Variants in RMDN3 observed in about 807,000 individuals in gnomAD.
RMDN3 encodes regulator of microtubule dynamics protein 3.
In RMDN3, 41 loss-of-function variants were observed where a neutral mutation model predicts 61.8. The ratio of observed to expected loss-of-function variants is 0.66; its 90% confidence interval spans 0.52 to 0.86. The LOEUF is 0.86. Ranked by LOEUF, RMDN3 falls within the 40% of genes least tolerant of loss-of-function variation. The probability of loss-of-function intolerance (pLI) is 0.00; values close to 1 mark genes in which losing one functional copy is unlikely to be tolerated. For missense variants in RMDN3, 557 were observed against 585.3 expected, an observed-to-expected ratio of 0.95 and a Z score of 0.50; for synonymous variants, 247 against 232.0, an observed-to-expected ratio of 1.06 and a Z score of -0.59.
intron 12 of RMDN3, 39 bp from the exon 13 acceptor site, chr15:40,736,633 A>C (rs774937138): frequency 1.3e-6 from 2 of 1,594,702 alleles, no homozygotes; most frequent in Non-Finnish European, 8.6e-7. Flanking sequence ...TCAAAATTTA[A>C]ACCAGCATTT....
chr15:40,737,240 A>T lies in RMDN3; in HGVS notation c.1279-36T>A, dbSNP rs373515130. 2.4e-5 allele frequency: 39 copies of T among 1,611,544 alleles called. No homozygotes were observed. The African/African-American group carries it at 4.9e-4, about 20-fold the overall frequency. On this transcript the variant is annotated intron_variant, in intron 11 of 12. Coordinates refer to ENST00000338376, the MANE Select transcript of RMDN3 (RefSeq NM_018145.3). ...ACAACAGTGAAACCTGATACTGTGTACTTTCAGGAGTTCCCAGATCTATGT... is the reference window on the plus strand; with the variant it reads ...ACAACAGTGAAACCTGATACTGTGTTCTTTCAGGAGTTCCCAGATCTATGT...
chr15:40,736,261 C>T lies in RMDN3; in HGVS notation c.*280G>A, dbSNP rs756565040. 9 of 447,924 alleles carry T rather than the reference C, an allele frequency of 2.0e-5. No homozygotes were observed. The highest frequency in any genetic ancestry group is 3.5e-5 in the Non-Finnish European group (9 of 253,778). The allele number at this position is 447,924 out of a possible 1,614,324, so 27.7% of individuals were successfully genotyped here. A position where few individuals can be genotyped will look rare whatever the true frequency, so the allele number is the denominator to read the frequency against. The stretch of plus-strand genomic sequence containing the variant: ...TGGAAGGTCTCAGGTCTTGCAGGCT[C>T]TACCCATGTGTAATCCTGGGGCAGG... On this transcript the variant is annotated 3_prime_UTR_variant, in exon 13 of 13. Transcript: ENST00000338376.
intron 9 of RMDN3, 68 bp from the exon 10 acceptor site, chr15:40,737,794 A>C: frequency 1.3e-6 from 2 of 1,541,998 alleles, no homozygotes; most frequent in Non-Finnish European, 1.8e-6. Context: ...ATCTTTGGGG[A>C]TATATTGAAA....
At chr15:40,747,190 G>A (rs1266913170) in intron 4 of RMDN3, among the ~76,000 whole-genome samples, 1 of 152,212 alleles carries the variant, frequency 6.6e-6, no homozygotes, top group Non-Finnish European at 1.5e-5. Flanking sequence ...AGTCCAAAGA[G>A]GAGTCTCTCT....
Position 40,738,592 on chromosome 15 carries a change from C to G in RMDN3, c.972-16G>C. 2 of 1,614,024 alleles carry G rather than the reference C, an allele frequency of 1.2e-6. No individual in the cohort carries two copies. Among genetic ancestry groups the G allele is most frequent in the South Asian group, 1.1e-5 (1 of 91,070 alleles). ...CACCGCATACCTAGGGGGGAAGCAG[C>G]AAGCTCAGGGACAAGGGCTGAGTAC... is the stretch of plus-strand genomic sequence containing the variant. On this transcript the variant is annotated splice_polypyrimidine_tract_variant and intron_variant, in intron 7 of 12. Transcript: ENST00000338376.
intron 7 of RMDN3, chr15:40,739,296 G>A (rs1897188962): frequency 1.3e-5 from 2 of 151,762 alleles, no homozygotes; most frequent in Non-Finnish European, 1.5e-5. Context: ...TATATGCTAA[G>A]TATCCGGGGG....
In RMDN3 at chr15:40,741,095, C is replaced by A. The variant is rs958790045; in HGVS notation, c.911-902G>T. ...TCCACCTCAAAAAAAACAACAACAACGGATCCAACACAATCAGAAATTGTC... is the reference window on the plus strand; with the variant it reads ...TCCACCTCAAAAAAAACAACAACAAAGGATCCAACACAATCAGAAATTGTC... On this transcript the variant is annotated intron_variant, in intron 6 of 12. Coordinates refer to ENST00000338376, the MANE Select transcript of RMDN3 (RefSeq NM_018145.3). Among the ~76,000 whole-genome samples, 7 of 151,984 alleles carry A rather than the reference C, an allele frequency of 4.6e-5. No individual in the cohort carries two copies. In the East Asian group the frequency reaches 1.3e-3, roughly 29 times the overall value.
rs1377935313 is a variant in RMDN3, at chr15:40,740,155, C to T, written c.949G>A (p.Glu317Lys). Residue 317 changes from glutamate to lysine, a missense_variant, in exon 7 of 13, where the codon GAG (glutamate) becomes AAG (lysine). By Grantham distance (56) the Glu-to-Lys change is moderately conservative. Transcript: ENST00000338376. Reference sequence around the variant, plus strand: ...TACCACAGGTGACAGTCAGCACTCTCATCCCCCTTCTCCAGAGCAGCCTCT... The same window carrying T: ...TACCACAGGTGACAGTCAGCACTCTTATCCCCCTTCTCCAGAGCAGCCTCT... ...EAEAALEKGDESADCHLWYAV... is the reference protein window; with the variant it reads ...EAEAALEKGDKSADCHLWYAV... The T allele has an allele frequency of 1.9e-6, 3 of 1,612,510 alleles. No individual in the cohort carries two copies. Among genetic ancestry groups the T allele is most frequent in the Non-Finnish European group, 2.5e-6 (3 of 1,178,900 alleles).
chr15:40,744,880 G>A, intron 5 of RMDN3, 97 bp downstream of exon 5: 1 of 1,291,984 alleles, frequency 7.7e-7, no homozygotes, highest in Non-Finnish European at 1.0e-6. Context: ...CACCTTGTAG[G>A]GGCAGTAACC....
Position 40,736,498 on chromosome 15 carries a change from C to T in RMDN3, c.*43G>A, listed in dbSNP as rs1373677544. On this transcript the variant is annotated 3_prime_UTR_variant, in exon 13 of 13. Coordinates refer to ENST00000338376, the MANE Select transcript of RMDN3 (RefSeq NM_018145.3). ...GGAAAAAAGCCTCCCCGCCCCCCCA[C>T]CTTAAATAGTGGCATCAAGTCATGA... 1.3e-6 allele frequency: 2 copies of T among 1,595,330 alleles called. No individual in the cohort carries two copies. The highest frequency in any genetic ancestry group is 1.7e-6 in the Non-Finnish European group (2 of 1,163,374).
Position 40,738,057 on chromosome 15 carries a change from T to TAAATATAAAC in RMDN3, c.1048-25_1048-16dup. The TAAATATAAAC allele has an allele frequency of 1.9e-6, 3 of 1,613,424 alleles. No individual in the cohort carries two copies. The highest frequency in any genetic ancestry group is 2.5e-6 in the Non-Finnish European group (3 of 1,179,416). On this transcript the variant is annotated splice_polypyrimidine_tract_variant and intron_variant, in intron 8 of 12. Transcript: ENST00000338376. ...TCCACATGCTCCTAAGGGGAAAATG[T>TAAATATAAAC]AAATATAAACTAACATCAGACACCA...
intron 7 of RMDN3, 91 bp from the exon 8 acceptor site, chr15:40,738,667 C>CG: frequency 8.1e-7 from 1 of 1,241,494 alleles, no homozygotes; most frequent in Admixed American, 1.8e-5. Context: ...TGCATTGTCC[C>CG]CTATCCCTGT....
chr15:40,746,691 G>T (rs759160689), intron 4 of RMDN3, among the ~76,000 whole-genome samples: 14 of 152,142 alleles, frequency 9.2e-5, no homozygotes, highest in Non-Finnish European at 1.9e-4. Flanking sequence ...GAAGGCTCTG[G>T]AAGTGAGCAG....
At chr15:40,739,708 C>T (rs1201759314) in intron 7 of RMDN3, 5 of 170,662 alleles carry the variant, frequency 2.9e-5, no homozygotes, top group Non-Finnish European at 6.4e-5. Flanking sequence ...GGGGGGTGAG[C>T]TCACATCTAC....
Position 40,737,180 on chromosome 15 carries a change from A to G in RMDN3, c.1303T>C (p.Ser435Pro), listed in dbSNP as rs200908905. The stretch of plus-strand genomic sequence containing the variant: ...AACTTCATCCACCATCTAGCTTCAG[A>G]GTTTTTCCCTAGTTCTCTGTAGCAC... The part of the protein sequence containing the change: ...SKCYRELGKN[S>P]EARWWMKLAL... Residue 435 changes from serine to proline, a missense_variant, in exon 12 of 13, where the codon TCT (serine) becomes CCT (proline). Ser to Pro is a moderately conservative substitution (Grantham distance 74). Transcript: ENST00000338376. 1.2e-6 allele frequency: 2 copies of G among 1,614,206 alleles called. No individual in the cohort carries two copies. The highest frequency in any genetic ancestry group is 1.7e-5 in the Admixed American group (1 of 60,024).
chr15:40,737,116 A>G lies in RMDN3; in HGVS notation c.1359+8T>C. The stretch of plus-strand genomic sequence containing the variant: ...ATCTGCCCAACAGGCAGTATTAAAA[A>G]GCCTTACCTCCTTCGTGACATCTGG... On this transcript the variant is annotated splice_region_variant and intron_variant, in intron 12 of 12. Transcript: ENST00000338376. 1 of 1,612,936 alleles carries G rather than the reference A, an allele frequency of 6.2e-7. No homozygotes were observed. Among genetic ancestry groups the G allele is most frequent in the South Asian group, 1.1e-5 (1 of 91,054 alleles).
intron 2 of RMDN3, among the ~76,000 whole-genome samples, chr15:40,753,366 G>T (rs1224117564): frequency 6.6e-6 from 1 of 152,064 alleles, no homozygotes; most frequent in African/African-American, 2.4e-5. Context: ...ACAAAAATTA[G>T]CTGGGCATGG....
intron 6 of RMDN3, among the ~76,000 whole-genome samples, chr15:40,743,832 G>A (rs771120014): frequency 1.3e-5 from 2 of 152,230 alleles, no homozygotes; most frequent in African/African-American, 2.4e-5. Flanking sequence ...ATGCACGTGT[G>A]TTACTAATCA....
In RMDN3 at chr15:40,754,719, G is replaced by A; in HGVS notation, c.65C>T (p.Ala22Val). Residue 22 changes from alanine to valine, a missense_variant, in exon 2 of 13, where the codon GCC (alanine) becomes GTC (valine). By Grantham distance (64) the Ala-to-Val change is moderately conservative. Transcript: ENST00000338376. ...AGLGLLLGTA[A>V]GLGFLCLLYS... Reference sequence around the variant, plus strand: ...AAGGAGGCACAGGAATCCAAGGCCGGCGGCGGTACCCAGCAACAGTCCCAG... The same window carrying A: ...AAGGAGGCACAGGAATCCAAGGCCGACGGCGGTACCCAGCAACAGTCCCAG... 3 of 1,613,768 alleles carry A rather than the reference G, an allele frequency of 1.9e-6. No homozygotes were observed. The highest frequency in any genetic ancestry group is 2.5e-6 in the Non-Finnish European group (3 of 1,179,928).
Sources: gnomAD v4.1 joint callset for allele counts (sites outside exome capture counted in the v4.1 genomes callset) on GRCh38, gnomAD v4.1.1 for gene constraint, MANE v1.5 for transcripts, NCBI Gene and HGNC (gene_info 2026-07-23, HGNC 2026-07-21) for gene names.